Variants in IFIT2 observed in about 807,000 individuals in gnomAD.
IFIT2 encodes the protein interferon-induced protein with tetratricopeptide repeats 2.
In IFIT2, 3 loss-of-function variants were observed where a neutral mutation model predicts 2.5. The ratio of observed to expected loss-of-function variants is 1.21; its 90% CI spans 0.55 to 3.14. The LOEUF is 3.14. IFIT2 is among the 30% of genes most tolerant of loss of function. IFIT2 has a pLI of 0.03. For missense variants in IFIT2, 493 were observed against 558.9 expected (o/e 0.88, Z 1.19); for synonymous variants, 212 against 200.7 (o/e 1.06, Z -0.48).
In IFIT2 at chr10:89,305,807, CA is replaced by C. The variant is rs368325644; in HGVS notation, c.6-153del. 1.2e-4 allele frequency among the ~76,000 whole-genome samples: 18 copies of C among 152,218 alleles called. No individual in the cohort carries two copies. The South Asian group carries it at 3.5e-3, about 30-fold the overall frequency. On this transcript the variant is annotated intron_variant, in intron 1 of 1. Coordinates refer to ENST00000371826, the MANE Select transcript of IFIT2 (RefSeq NM_001547.5). ...TCCTGCTACCACATGCAGGAATTAA[CA>C]ATAAGGAAAAACATATTATAGAAAG...
chr10:89,307,488 C>A lies in IFIT2; in HGVS notation c.*113C>A. The A allele has an allele frequency of 1.2e-6, 1 of 838,490 alleles. No individual in the cohort carries two copies. Among genetic ancestry groups the A allele is most frequent in the Non-Finnish European group, 1.9e-6 (1 of 538,200 alleles). 51.9% of individuals were successfully genotyped at this position (838,490 alleles called of 1,614,324 possible). On this transcript the variant is annotated 3_prime_UTR_variant, in exon 2 of 2. Coordinates refer to ENST00000371826, the MANE Select transcript of IFIT2 (RefSeq NM_001547.5). ...GGTATGGCAAAAGATTGGACTAAGACACTGGCCATACCACTGGACAGGGTT... is the reference window on the plus strand; with the variant it reads ...GGTATGGCAAAAGATTGGACTAAGAAACTGGCCATACCACTGGACAGGGTT...
intron 1 of IFIT2, 121 bp downstream of exon 1, chr10:89,302,249 A>G: frequency 2.0e-6 from 2 of 1,009,376 alleles, no homozygotes; most frequent in South Asian, 1.3e-5. Context: ...TAGCCTTACT[A>G]TGCCTCTACC....
chr10:89,306,395 T>C lies in IFIT2; in HGVS notation c.439T>C (p.Leu147=). 6.2e-7 allele frequency: 1 copy of C among 1,614,070 alleles called. No homozygotes were observed. The highest frequency in any genetic ancestry group is 2.2e-5 in the East Asian group (1 of 44,884). Reference sequence around the variant, plus strand: ...TGACTGTGAGGAAGGGTGGACACGGTTAAAGTGTGGAGGAAACCAAAATGA... The same window carrying C: ...TGACTGTGAGGAAGGGTGGACACGGCTAAAGTGTGGAGGAAACCAAAATGA... ...ELDCEEGWTR[L]KCGGNQNERA... The change falls in exon 2 of 2, where the codon TTA becomes CTA. Residue 147 remains leucine (L), a synonymous_variant. Coordinates refer to ENST00000371826, the MANE Select transcript of IFIT2 (RefSeq NM_001547.5).
chr10:89,306,814 A>G lies in IFIT2; in HGVS notation c.858A>G (p.Gln286=), dbSNP rs1843483566. Residue 286 remains glutamine, a synonymous_variant, in exon 2 of 2, where the codon CAA becomes CAG. Coordinates refer to ENST00000371826, the MANE Select transcript of IFIT2 (RefSeq NM_001547.5). ...CAAACAATGCCTACCTGCATTGCCA[A>G]ATTGGGTGCTGCTATAGGGCAAAAG... The part of the protein sequence containing the change: ...YIPNNAYLHC[Q]IGCCYRAKVF... 6.2e-7 allele frequency: 1 copy of G among 1,614,018 alleles called. No homozygotes were observed. The highest frequency in any genetic ancestry group is 1.1e-5 in the South Asian group (1 of 91,080).
At chr10:89,303,531 G>A (rs1843459169) in intron 1 of IFIT2, among the ~76,000 whole-genome samples, 1 of 152,228 alleles carries the variant, frequency 6.6e-6, no homozygotes, top group African/African-American at 2.4e-5. Context: ...CAGGAAGCAA[G>A]TGTCTGGCAT....
rs777028408 is a variant in IFIT2, at chr10:89,306,654, A to G, written c.698A>G (p.Glu233Gly). The stretch of plus-strand genomic sequence containing the variant: ...GAAGGTGAAGAGGAAGGTGAAGGAG[A>G]GAAGTTAGTTGAAGAAGCCTTGGAG... ...REEGEEEGEG[E>G]KLVEEALEKA... The change falls in exon 2 of 2, where the codon GAG becomes GGG. Residue 233 changes from glutamate (E) to glycine (G), a missense_variant. By Grantham distance (98) the Glu-to-Gly change is moderately conservative. Coordinates refer to ENST00000371826, the MANE Select transcript of IFIT2 (RefSeq NM_001547.5). The G allele has an allele frequency of 2.5e-6, 4 of 1,614,024 alleles. No individual in the cohort carries two copies. Among genetic ancestry groups the G allele is most frequent in the Non-Finnish European group, 3.4e-6 (4 of 1,179,980 alleles).
intron 1 of IFIT2, among the ~76,000 whole-genome samples, chr10:89,303,556 TA>T (rs1464349657): frequency 6.6e-6 from 1 of 152,226 alleles, no homozygotes; most frequent in Non-Finnish European, 1.5e-5. Flanking sequence ...TTCTCTAACT[TA>T]CCAGTGGAAA....
chr10:89,305,284 T>C (rs1843471247), intron 1 of IFIT2, among the ~76,000 whole-genome samples: 1 of 152,144 alleles, frequency 6.6e-6, no homozygotes, highest in African/African-American at 2.4e-5. Context: ...AATGAGAATG[T>C]AGCATGTTAA....
intron 1 of IFIT2, among the ~76,000 whole-genome samples, chr10:89,305,747 C>T (rs1843473851): frequency 6.6e-6 from 1 of 152,142 alleles, no homozygotes; most frequent in Non-Finnish European, 1.5e-5. Context: ...CCACTGCCCT[C>T]GCCCTAATTC....
rs140944939 is a variant in IFIT2, at chr10:89,306,756, T to C, written c.800T>C (p.Ile267Thr). 9.3e-6 allele frequency: 15 copies of C among 1,614,130 alleles called. No homozygotes were observed. The highest frequency in any genetic ancestry group is 6.7e-5 in the East Asian group (3 of 44,892). ...YRRKDEPDKA[I>T]ELLKKALEYI... ...AGAAAAGATGAGCCAGACAAAGCGA[T>C]TGAACTGCTTAAAAAGGCTTTAGAA... is the stretch of plus-strand genomic sequence containing the variant. Residue 267 changes from isoleucine (I) to threonine (T), a missense_variant, in exon 2 of 2, where the codon ATT becomes ACT. Coordinates refer to ENST00000371826, the MANE Select transcript of IFIT2 (RefSeq NM_001547.5).
rs370489231 is a variant in IFIT2, at chr10:89,306,308, G to A, written c.352G>A (p.Asp118Asn). Residue 118 changes from aspartate to asparagine, a missense_variant, in exon 2 of 2, where the codon GAC becomes AAC. Physicochemically the swap from Asp to Asn is conservative, Grantham distance 23. Transcript: ENST00000371826. Reference protein sequence around the residue: ...GRLSDVQIYVDKVKHVCEKFS... With the variant: ...GRLSDVQIYVNKVKHVCEKFS... ...ACTCTCAGACGTTCAGATTTATGTA[G>A]ACAAGGTGAAACATGTCTGTGAGAA... 1.9e-6 allele frequency: 3 copies of A among 1,614,006 alleles called. No individual in the cohort carries two copies. In the African/African-American group the frequency reaches 4.0e-5, roughly 22 times the overall value.
chr10:89,307,279 G>A lies in IFIT2; in HGVS notation c.1323G>A (p.Glu441=). 6.2e-7 allele frequency: 1 copy of A among 1,613,968 alleles called. No individual in the cohort carries two copies. The highest frequency in any genetic ancestry group is 8.5e-7 in the Non-Finnish European group (1 of 1,179,914). ...TGCATGTCTTGGCATTCCTTCAGGA[G>A]CTGAATGAAAAAATGCAACAAGCAG... is the stretch of plus-strand genomic sequence containing the variant. The part of the protein sequence containing the change: ...EALHVLAFLQ[E]LNEKMQQADE... Residue 441 remains glutamate (E), a synonymous_variant, in exon 2 of 2, where the codon GAG becomes GAA. Transcript: ENST00000371826.
At position 89,308,596 on chromosome 10, in the gene IFIT2, T is replaced by G. The variant is rs919516634; in HGVS notation, c.*1221T>G. On this transcript the variant is annotated 3_prime_UTR_variant, in exon 2 of 2. Transcript: ENST00000371826. ...CGATTGAGATTTTCTAGGTAGATGC[T>G]GAATAGCCTAGACATCAAAGTTGGT... is the stretch of plus-strand genomic sequence containing the variant. 7 of 152,196 alleles carry G rather than the reference T, an allele frequency of 4.6e-5. No individual in the cohort carries two copies. The highest frequency in any genetic ancestry group is 1.0e-4 in the Non-Finnish European group (7 of 68,036). The allele number at this position is 152,196 out of a possible 1,614,324, so 9.4% of individuals were successfully genotyped here. A position where few individuals can be genotyped will look rare whatever the true frequency, so the allele number is the denominator to read the frequency against.
Position 89,307,644 on chromosome 10 carries a change from C to T in IFIT2, c.*269C>T. 1 of 337,358 alleles carries T rather than the reference C, an allele frequency of 3.0e-6. No individual in the cohort carries two copies. Among genetic ancestry groups the T allele is most frequent in the Non-Finnish European group, 5.5e-6 (1 of 182,794 alleles). The allele number at this position is 337,358 out of a possible 1,614,324, so 20.9% of individuals were successfully genotyped here. A position where few individuals can be genotyped will look rare whatever the true frequency, so the allele number is the denominator to read the frequency against. On this transcript the variant is annotated 3_prime_UTR_variant, in exon 2 of 2. Transcript: ENST00000371826. ...ATTGACTTCTTGAGTGCAATTTGAACTGTAACATTTGCTTAGTCACCTTTA... is the reference window on the plus strand; with the variant it reads ...ATTGACTTCTTGAGTGCAATTTGAATTGTAACATTTGCTTAGTCACCTTTA...
At chr10:89,305,113 A>C (rs1309963037) in intron 1 of IFIT2, among the ~76,000 whole-genome samples, 1 of 152,180 alleles carries the variant, frequency 6.6e-6, no homozygotes, top group African/African-American at 2.4e-5. Context: ...GGAGGAAAAA[A>C]AATTACATTT....
Position 89,308,788 on chromosome 10 carries a change from T to C in IFIT2, c.*1413T>C, listed in dbSNP as rs1291557325. 6.6e-6 allele frequency: 1 copy of C among 152,258 alleles called. No homozygotes were observed. Among genetic ancestry groups the C allele is most frequent in the Non-Finnish European group, 1.5e-5 (1 of 68,046 alleles). 9.4% of individuals were successfully genotyped at this position (152,258 alleles called of 1,614,324 possible). On this transcript the variant is annotated 3_prime_UTR_variant, in exon 2 of 2. Coordinates refer to ENST00000371826, the MANE Select transcript of IFIT2 (RefSeq NM_001547.5). ...TTAAAGTTAAAAATTCTAACCACTG[T>C]AACAACAGTTTTTGTGTTATTTTCT...
In IFIT2 at chr10:89,307,083, G is replaced by A. The variant is rs199839737; in HGVS notation, c.1127G>A (p.Arg376Gln). 17 of 1,613,938 alleles carry A rather than the reference G, an allele frequency of 1.1e-5. No individual in the cohort carries two copies. Among genetic ancestry groups the A allele is most frequent in the East Asian group, 2.2e-5 (1 of 44,880 alleles). The change falls in exon 2 of 2, where the codon CGG becomes CAG. Residue 376 changes from arginine to glutamine, a missense_variant. Transcript: ENST00000371826. ...TPVAKQLLHL[R>Q]YGNFQLYQMK... ...GTAGCGAAACAACTGCTCCATCTGC[G>A]GTATGGCAACTTTCAGCTGTACCAA...
In IFIT2 at chr10:89,307,033, G is replaced by A. The variant is rs201873020; in HGVS notation, c.1077G>A (p.Lys359=). The change falls in exon 2 of 2, where the codon AAG becomes AAA. Residue 359 remains lysine, a synonymous_variant. Coordinates refer to ENST00000371826, the MANE Select transcript of IFIT2 (RefSeq NM_001547.5). ...QYEDAEYYFQ[K]EFSKELTPVA... Reference sequence around the variant, plus strand: ...AAGACGCAGAGTATTACTTCCAAAAGGAATTCAGTAAAGAGCTTACTCCTG... The same window carrying A: ...AAGACGCAGAGTATTACTTCCAAAAAGAATTCAGTAAAGAGCTTACTCCTG... The A allele has an allele frequency of 6.2e-7, 1 of 1,613,902 alleles. No homozygotes were observed. Among genetic ancestry groups the A allele is most frequent in the Non-Finnish European group, 8.5e-7 (1 of 1,179,926 alleles).
chr10:89,304,205 T>C (rs1843463272), intron 1 of IFIT2, among the ~76,000 whole-genome samples: 1 of 152,144 alleles, frequency 6.6e-6, no homozygotes, highest in Non-Finnish European at 1.5e-5. Flanking sequence ...CATTCAAAGC[T>C]CCAAATAGGT....
Sources: gnomAD v4.1 joint callset for allele counts (sites outside exome capture counted in the v4.1 genomes callset) on GRCh38, gnomAD v4.1.1 for gene constraint, MANE v1.5 for transcripts, NCBI Gene and HGNC (gene_info 2026-07-23, HGNC 2026-07-21) for gene names.